The following NAALADL2 variants were observed in gnomAD, a reference collection of about 807,000 sequenced individuals.
The protein encoded by NAALADL2 is N-acetylated alpha-linked acidic dipeptidase like 2.
Under a neutral mutation model 87.2 loss-of-function variants are expected in NAALADL2, and 76 were observed. The observed-to-expected ratio is 0.87, with a 90% confidence interval of 0.72 to 1.05. The LOEUF is 1.05. Among genes scored for constraint, NAALADL2 ranks in the 50% least tolerant of loss-of-function variants. The probability of loss-of-function intolerance (pLI) is 0.00; values close to 1 mark genes in which losing one functional copy is unlikely to be tolerated. For missense variants in NAALADL2, 1,089 were observed against 945.8 expected, an observed-to-expected ratio of 1.15 and a Z score of -1.99; for synonymous variants, 354 against 331.0, an observed-to-expected ratio of 1.07 and a Z score of -0.75.
chr3:175,697,162 T>C (rs1170518175), intron 11 of NAALADL2, among the ~76,000 whole-genome samples: 2 of 152,058 alleles, frequency 1.3e-5, no homozygotes, highest in East Asian at 1.9e-4. Flanking sequence ...AGAATTTAGA[T>C]TTTATGGTGA....
At chr3:175,672,312 A>C (rs16826106) in intron 11 of NAALADL2, among the ~76,000 whole-genome samples, 4,374 of 152,218 alleles carry the variant, frequency 0.029, 208 homozygotes, top group African/African-American at 0.1. Flanking sequence ...CAGTGAGCAT[A>C]AATACCGATT....
At chr3:174,632,933 C>CAAA (rs56809226) in intron 2 of NAALADL2, among the ~76,000 whole-genome samples, 5 of 63,760 alleles carry the variant, frequency 7.8e-5, no homozygotes, top group Admixed American at 4.3e-4. Context: ...GACTCTGTCT[C>CAAA]AAAAAAAAAA....
chr3:174,765,941 A>T (rs1038373715), intron 3 of NAALADL2, among the ~76,000 whole-genome samples: 3 of 152,170 alleles, frequency 2.0e-5, no homozygotes, highest in African/African-American at 7.2e-5. Context: ...TGCCGGCTTG[A>T]GTGATACACA....
intron 5 of NAALADL2, among the ~76,000 whole-genome samples, chr3:175,442,553 G>T (rs1009288078): frequency 1.3e-5 from 2 of 152,130 alleles, no homozygotes; most frequent in African/African-American, 2.4e-5. Context: ...TGGTAGAGAT[G>T]ACAATAGTAT....
At chr3:175,042,377 G>A (rs1007498607) in intron 1 of NAALADL2, among the ~76,000 whole-genome samples, 2 of 151,886 alleles carry the variant, frequency 1.3e-5, no homozygotes, top group Non-Finnish European at 2.9e-5. Context: ...TCCATATTTT[G>A]ACTATTGTGA....
At chr3:175,596,136 G>C (rs1041274255) in intron 10 of NAALADL2, among the ~76,000 whole-genome samples, 1 of 151,914 alleles carries the variant, frequency 6.6e-6, no homozygotes, top group Non-Finnish European at 1.5e-5. Flanking sequence ...AAATACTGAA[G>C]TATTTCCAAG....
intron 1 of NAALADL2, among the ~76,000 whole-genome samples, chr3:174,547,379 T>C (rs1711522637): frequency 6.6e-6 from 1 of 152,124 alleles, no homozygotes; most frequent in African/African-American, 2.4e-5. Context: ...TGCTTATACA[T>C]TGTTAAGCTC....
intron 3 of NAALADL2, among the ~76,000 whole-genome samples, chr3:175,240,030 T>C (rs1746563906): frequency 6.6e-6 from 1 of 152,186 alleles, no homozygotes; most frequent in African/African-American, 2.4e-5. Flanking sequence ...TTTTATTATA[T>C]TTATCACATT....
chr3:175,043,973 A>G (rs1333898790), intron 1 of NAALADL2, among the ~76,000 whole-genome samples: 1 of 152,158 alleles, frequency 6.6e-6, no homozygotes, highest in Non-Finnish European at 1.5e-5. Context: ...ACATAATACA[A>G]ATATTTGAAA....
At chr3:174,583,185 G>A (rs1393826989) in intron 2 of NAALADL2, among the ~76,000 whole-genome samples, 3 of 152,186 alleles carry the variant, frequency 2.0e-5, no homozygotes, top group Non-Finnish European at 2.9e-5. Context: ...AATATGGTAA[G>A]TGCTGCCAAT....
chr3:175,785,382 G>A (rs1751785898), intron 13 of NAALADL2, among the ~76,000 whole-genome samples: 1 of 141,238 alleles, frequency 7.1e-6, no homozygotes, highest in African/African-American at 2.9e-5. Context: ...ATGAATCTGG[G>A]TGCTCCTGTA....
rs140108112 is a variant in NAALADL2, at chr3:174,580,764, T to G, written c.-115+30127T>G. ...ATCTATTTACCTGTTGAAGGAAATT[T>G]GGCTTATTTTCAGCTTTGGGCTATG... is the stretch of plus-strand genomic sequence containing the variant. On this transcript the variant is annotated intron_variant, in intron 2 of 3. Transcript: ENST00000434257. 9.5e-3 allele frequency among the ~76,000 whole-genome samples: 1,439 copies of G among 152,264 alleles called. 7 individuals carry two copies. The highest frequency in any genetic ancestry group is 0.014 in the Non-Finnish European group (958 of 68,006).
chr3:175,150,808 A>G (rs980863294), intron 2 of NAALADL2, among the ~76,000 whole-genome samples: 1 of 152,170 alleles, frequency 6.6e-6, no homozygotes, highest in Admixed American at 6.5e-5. Flanking sequence ...AGCCTACAAT[A>G]TAAAAGGTAT....
At chr3:175,320,977 C>T (rs1171579758) in intron 4 of NAALADL2, among the ~76,000 whole-genome samples, 5 of 151,426 alleles carry the variant, frequency 3.3e-5, no homozygotes, top group African/African-American at 1.2e-4. Context: ...TCCTCCCTAA[C>T]TCATTTTATG....
chr3:175,776,237 A>G (rs1750217707), intron 13 of NAALADL2: 1 of 151,962 alleles, frequency 6.6e-6, no homozygotes, highest in Non-Finnish European at 1.5e-5. Flanking sequence ...ACTCTTTCAT[A>G]TTACTGTCCT....
chr3:174,704,854 A>G (rs1729909093), intron 2 of NAALADL2, among the ~76,000 whole-genome samples: 2 of 152,320 alleles, frequency 1.3e-5, no homozygotes, highest in East Asian at 1.9e-4. Flanking sequence ...TGATGTATAA[A>G]GAAGTCAATT....
chr3:174,679,959 A>C (rs1439745943), intron 2 of NAALADL2, among the ~76,000 whole-genome samples: 1 of 152,142 alleles, frequency 6.6e-6, no homozygotes. Context: ...GAGGGTGCCC[A>C]ATCTTCAGAG....
rs189025280 is a variant in NAALADL2, at chr3:174,978,512, T to G, written c.44-118278T>G. ...CTATCACAAGGTATGGAATGTCATT[T>G]CCTAATTGCCACTCTATAGATATAC... On this transcript the variant is annotated intron_variant, in intron 1 of 13. Coordinates refer to ENST00000454872, the MANE Select transcript of NAALADL2 (RefSeq NM_207015.3). Among the ~76,000 whole-genome samples, 40 of 152,334 alleles carry G rather than the reference T, an allele frequency of 2.6e-4. No individual in the cohort carries two copies. In the East Asian group the frequency reaches 7.5e-3, roughly 29 times the overall value.
At chr3:175,401,747 G>A (rs954384097) in intron 5 of NAALADL2, among the ~76,000 whole-genome samples, 1 of 152,042 alleles carries the variant, frequency 6.6e-6, no homozygotes, top group Non-Finnish European at 1.5e-5. Context: ...TGACCAAAAC[G>A]TTTTTATGCA....
Sources: allele counts gnomAD v4.1 joint callset (sites outside exome capture counted in the v4.1 genomes callset), GRCh38; gene constraint gnomAD v4.1.1; transcripts MANE v1.5; gene names NCBI Gene and HGNC (gene_info 2026-07-23, HGNC 2026-07-21).